The following ARID1B variants were observed in gnomAD, a reference collection of about 807,000 sequenced individuals.
The protein encoded by ARID1B is AT-rich interactive domain-containing protein 1B.
In ARID1B, 30 loss-of-function variants were observed where a neutral mutation model predicts 212.3. The observed-to-expected ratio is 0.14, with a 90% confidence interval of 0.11 to 0.19. The LOEUF is 0.19. Among genes scored for constraint, ARID1B ranks in the 10% least tolerant of loss-of-function variants. ARID1B has a pLI of 1.00. For synonymous variants in ARID1B, 1,402 were observed against 1,301.7 expected (o/e 1.08, Z -1.66); for missense variants, 2,891 against 3,204.0 (o/e 0.90, Z 2.36).
intron 2 of ARID1B, 31 bp from the exon 3 acceptor site, chr6:156,901,345 T>G (rs749430914): frequency 6.2e-7 from 1 of 1,613,900 alleles, no homozygotes; most frequent in Non-Finnish European, 8.5e-7. Context: ...CATTTTGACT[T>G]TCTCATTTGC....
intron 3 of ARID1B, among the ~76,000 whole-genome samples, chr6:156,928,719 G>T (rs1291809564): frequency 6.6e-6 from 1 of 152,204 alleles, no homozygotes; most frequent in African/African-American, 2.4e-5. Flanking sequence ...CCTTCACCTG[G>T]CTTGCCAGCC....
chr6:157,106,744 C>A (rs1583316649), intron 5 of ARID1B, among the ~76,000 whole-genome samples: 1 of 152,238 alleles, frequency 6.6e-6, no homozygotes, highest in African/African-American at 2.4e-5. Context: ...GGATTACTCA[C>A]CGGTGTTACT....
At chr6:157,168,239 A>G (rs1791474791) in intron 9 of ARID1B, 2 of 152,216 alleles carry the variant, frequency 1.3e-5, no homozygotes, top group Non-Finnish European at 2.9e-5. Flanking sequence ...CTAGGACCTA[A>G]TTGAAGGGTG....
At position 157,207,650 on chromosome 6, in the gene ARID1B, C is replaced by T. The variant is rs756720427; in HGVS notation, c.6878C>T (p.Ala2293Val). 6.2e-7 allele frequency: 1 copy of T among 1,614,008 alleles called. No individual in the cohort carries two copies. The highest frequency in any genetic ancestry group is 2.2e-5 in the East Asian group (1 of 44,872). Residue 2293 changes from alanine (A) to valine (V), a missense_variant, in exon 20 of 20, where the codon GCC (alanine) becomes GTC (valine). Coordinates refer to ENST00000636930, the MANE Select transcript of ARID1B (RefSeq NM_001374828.1). This position sits in a 1 kb window ranked among gnomAD's most constrained non-coding sequence, Gnocchi z 8.5. ...ISFLEDGVTMAQYQQSQHNLM... is the reference protein window; with the variant it reads ...ISFLEDGVTMVQYQQSQHNLM... ...TTCCTAGAGGATGGGGTCACGATGGCCCAGTACCAGCAGAGCCAGCACAAC... is the reference window on the plus strand; with the variant it reads ...TTCCTAGAGGATGGGGTCACGATGGTCCAGTACCAGCAGAGCCAGCACAAC...
At chr6:156,995,274 C>CT (rs1778520672) in intron 4 of ARID1B, among the ~76,000 whole-genome samples, 1 of 152,356 alleles carries the variant, frequency 6.6e-6, no homozygotes, top group Non-Finnish European at 1.5e-5. Context: ...GAAAAGAACT[C>CT]TGTTTACCTG....
intron 4 of ARID1B, among the ~76,000 whole-genome samples, chr6:157,007,133 G>C (rs1254679579): frequency 6.6e-6 from 1 of 152,164 alleles, no homozygotes; most frequent in African/African-American, 2.4e-5. Flanking sequence ...TGAAAAATTG[G>C]AAACACCCCT....
chr6:157,068,698 A>G (rs1029009344), intron 4 of ARID1B, among the ~76,000 whole-genome samples: 5 of 152,236 alleles, frequency 3.3e-5, no homozygotes, highest in Admixed American at 6.5e-5. Context: ...ATATGCTTAC[A>G]TAGTGTGAAA....
intron 2 of ARID1B, among the ~76,000 whole-genome samples, chr6:156,897,261 CTTCTTA>C (rs1262299370): frequency 0.013 from 1,220 of 92,618 alleles, 9 homozygotes; most frequent in Middle Eastern, 0.032. Flanking sequence ...TCTTCTTCTT[CTTCTTA>C]TTATTATTAT....
chr6:156,894,454 A>G lies in ARID1B; in HGVS notation c.1987-6922A>G, dbSNP rs1051754593. On this transcript the variant is annotated intron_variant, in intron 2 of 19. Transcript: ENST00000636930. ...ATGCATCATTGAACTGTATACTTCA[A>G]ATGGTTAAAATGGTCAATTTTGTGT... 5.9e-5 allele frequency among the ~76,000 whole-genome samples: 9 copies of G among 152,324 alleles called. No individual in the cohort carries two copies. In the East Asian group the frequency reaches 1.5e-3, roughly 26 times the overall value.
At chr6:156,844,110 T>C (rs1784078630) in intron 2 of ARID1B, among the ~76,000 whole-genome samples, 1 of 152,232 alleles carries the variant, frequency 6.6e-6, no homozygotes, top group Non-Finnish European at 1.5e-5. Context: ...AGTTTACACA[T>C]GGTTATGAGC....
At chr6:157,172,322 CA>C (rs1252751589) in intron 9 of ARID1B, among the ~76,000 whole-genome samples, 2 of 152,162 alleles carry the variant, frequency 1.3e-5, no homozygotes, top group Admixed American at 6.5e-5. Flanking sequence ...ACAAAAATAA[CA>C]GCATTTTTAG....
At chr6:157,021,960 C>T (rs1463630134) in intron 4 of ARID1B, among the ~76,000 whole-genome samples, 1 of 151,292 alleles carries the variant, frequency 6.6e-6, no homozygotes, top group Non-Finnish European at 1.5e-5. Context: ...TTTATTTTTC[C>T]CCTACTTCCT....
intron 4 of ARID1B, among the ~76,000 whole-genome samples, chr6:156,997,305 C>T (rs1165801297): frequency 6.6e-6 from 1 of 152,190 alleles, no homozygotes; most frequent in Non-Finnish European, 1.5e-5. Flanking sequence ...GAATTCCTCT[C>T]ATGTCTGTGC....
At chr6:157,058,800 G>C (rs1463089957) in intron 4 of ARID1B, among the ~76,000 whole-genome samples, 4 of 152,140 alleles carry the variant, frequency 2.6e-5, no homozygotes, top group Non-Finnish European at 5.9e-5. Flanking sequence ...GATGGGGCTG[G>C]GTAGCACCTG....
At chr6:157,063,677 C>T (rs1446532946) in intron 4 of ARID1B, among the ~76,000 whole-genome samples, 1 of 152,204 alleles carries the variant, frequency 6.6e-6, no homozygotes, top group Non-Finnish European at 1.5e-5. Context: ...AGTCAGACTT[C>T]TCAATTTTAT....
intron 2 of ARID1B, among the ~76,000 whole-genome samples, chr6:156,864,714 C>T (rs1785561611): frequency 6.6e-6 from 1 of 152,130 alleles, no homozygotes; most frequent in African/African-American, 2.4e-5. Flanking sequence ...GTTGCTGTCC[C>T]CGCTGGAAGA....
intron 1 of ARID1B, among the ~76,000 whole-genome samples, chr6:156,802,681 TC>T (rs1478239990): frequency 6.6e-6 from 1 of 152,224 alleles, no homozygotes; most frequent in Non-Finnish European, 1.5e-5. Context: ...CTAATGTAGG[TC>T]ATTGAATGGC....
chr6:156,778,522 G>A lies in ARID1B; in HGVS notation c.842G>A (p.Gly281Asp), dbSNP rs2114977151. 3 of 1,232,982 alleles carry A rather than the reference G, an allele frequency of 2.4e-6. No homozygotes were observed. Among genetic ancestry groups the A allele is most frequent in the Non-Finnish European group, 3.0e-6 (3 of 990,904 alleles). 76.4% of individuals were successfully genotyped at this position (1,232,982 alleles called of 1,614,324 possible). A position where few individuals can be genotyped will look rare whatever the true frequency, so the allele number is the denominator to read the frequency against. ...CCCAAGATGGGGGAGCCGGCGGGCG[G>A]CCGCTACGAGCACCCGGGCTTGGGC... ...APPKMGEPAG[G>D]RYEHPGLGAL... The change falls in exon 1 of 20, where the codon GGC (glycine) becomes GAC (aspartate). Residue 281 changes from glycine (G) to aspartate (D), a missense_variant. Physicochemically the swap from Gly to Asp is moderately conservative, Grantham distance 94 (BLOSUM62 -1). Coordinates refer to ENST00000636930, the MANE Select transcript of ARID1B (RefSeq NM_001374828.1).
chr6:157,105,687 C>T (rs973860032), intron 5 of ARID1B, among the ~76,000 whole-genome samples: 41 of 152,042 alleles, frequency 2.7e-4, no homozygotes, highest in Admixed American at 4.6e-4. Flanking sequence ...CTGCAACCTC[C>T]GCCTCCCGGG....
Sources: gnomAD v4.1 joint callset for allele counts (sites outside exome capture counted in the v4.1 genomes callset) on GRCh38, gnomAD v4.1.1 for gene constraint, Gnocchi (gnomAD v3.1) non-coding constraint, MANE v1.5 for transcripts, NCBI Gene and HGNC (gene_info 2026-07-23, HGNC 2026-07-21) for gene names.